ZNF610: variants seen among roughly 807,000 people sequenced by gnomAD.
The protein encoded by ZNF610 is zink finger protein.
In ZNF610, 14 loss-of-function variants were observed where a neutral mutation model predicts 14.1. The observed-to-expected ratio is 0.99, with a 90% CI of 0.65 to 1.55. The LOEUF (loss-of-function observed/expected upper bound fraction) is 1.55. ZNF610 is among the 40% of genes most tolerant of loss of function. The pLI, the probability that ZNF610 is intolerant of heterozygous loss-of-function variation, is 0.00. For synonymous variants in ZNF610, 185 were observed against 187.6 expected (o/e 0.99, Z 0.11); for missense variants, 530 against 558.0 (o/e 0.95, Z 0.51).
intron 1 of ZNF610, among the ~76,000 whole-genome samples, chr19:52,341,242 G>A (rs756541080): frequency 3.3e-5 from 5 of 151,896 alleles, no homozygotes. Flanking sequence ...TCAAGTTATC[G>A]CATCCACCCA....
At chr19:52,349,511 T>A (rs1985141779) in intron 3 of ZNF610, among the ~76,000 whole-genome samples, 1 of 151,130 alleles carries the variant, frequency 6.6e-6, no homozygotes, top group African/African-American at 2.4e-5. Context: ...AGGGGCCACA[T>A]CTGGATGCAC....
intron 1 of ZNF610, among the ~76,000 whole-genome samples, chr19:52,341,555 G>A (rs569238573): frequency 3.3e-5 from 5 of 152,026 alleles, no homozygotes; most frequent in African/African-American, 9.7e-5. Context: ...TAATCTGCCC[G>A]CCTCGGCCTC....
At chr19:52,348,061 C>T (rs1487849743) in intron 2 of ZNF610, 117 bp downstream of exon 2, 2 of 152,076 alleles carry the variant, frequency 1.3e-5, no homozygotes, top group Non-Finnish European at 2.9e-5. Flanking sequence ...GTCACAGTTG[C>T]CTGTAGTATT....
At chr19:52,340,399 ACATTTTGGTGATGGGCGG>A (rs1372614214) in intron 1 of ZNF610, among the ~76,000 whole-genome samples, 1 of 152,094 alleles carries the variant, frequency 6.6e-6, no homozygotes, top group Admixed American at 6.6e-5. Flanking sequence ...GGGAAAACAC[ACATTTTGGTGATGGGCGG>A]CATAGTATTC....
intron 1 of ZNF610, among the ~76,000 whole-genome samples, chr19:52,339,074 TGC>T (rs1362872089): frequency 3.3e-5 from 5 of 151,982 alleles, no homozygotes; most frequent in African/African-American, 9.7e-5. Context: ...TAAGGAAACG[TGC>T]TGTGCCTTGA....
Position 52,354,224 on chromosome 19 carries a change from ATCTTGTT to A in ZNF610, c.191-22_191-16del. On this transcript the variant is annotated intron_variant, in intron 4 of 5. Coordinates refer to ENST00000403906, the MANE Select transcript of ZNF610 (RefSeq NM_001161425.2). ...TTGGGTTTTGGAAATGCCCCAGCAC[ATCTTGTT>A]TCTTTCTTTTTATTAACAGGAATCT... is the stretch of plus-strand genomic sequence containing the variant. 1 of 1,612,370 alleles carries A rather than the reference ATCTTGTT, an allele frequency of 6.2e-7. No homozygotes were observed. Among genetic ancestry groups the A allele is most frequent in the Non-Finnish European group, 8.5e-7 (1 of 1,179,270 alleles).
chr19:52,344,320 C>G (rs1187932828), intron 1 of ZNF610, among the ~76,000 whole-genome samples: 3 of 31,302 alleles, frequency 9.6e-5, no homozygotes, highest in African/African-American at 2.5e-4. Context: ...GATTCTGTGA[C>G]CCCCCCATAG....
chr19:52,330,550 TAC>T, the ZNF610 span, among the ~76,000 whole-genome samples: 1 of 152,224 alleles, frequency 6.6e-6, no homozygotes, highest in Non-Finnish European at 1.5e-5. Context: ...CATTCTCAAT[TAC>T]CAGAAACAAT....
intron 5 of ZNF610, among the ~76,000 whole-genome samples, chr19:52,357,320 C>A (rs1169013125): frequency 1.3e-5 from 2 of 152,110 alleles, no homozygotes; most frequent in African/African-American, 4.8e-5. Context: ...AGTTTGAGAC[C>A]AGCAACATAA....
At chr19:52,332,492 C>T (rs970845545), upstream of ZNF610, among the ~76,000 whole-genome samples, 2 of 152,116 alleles carry the variant, frequency 1.3e-5, no homozygotes, top group Non-Finnish European at 2.9e-5. The surrounding 1 kb of genome is among the most constrained non-coding windows in gnomAD (Gnocchi z 4.1). Flanking sequence ...CAAGCTGAAT[C>T]TAAAAATCTG....
At chr19:52,334,009 T>G (rs1984264491), upstream of ZNF610, among the ~76,000 whole-genome samples, 1 of 152,120 alleles carries the variant, frequency 6.6e-6, no homozygotes, top group Non-Finnish European at 1.5e-5. Context: ...GAAAAGAACA[T>G]GAGTTAAAAC....
At chr19:52,350,632 C>T (rs1038596660) in intron 3 of ZNF610, among the ~76,000 whole-genome samples, 3 of 151,938 alleles carry the variant, frequency 2.0e-5, no homozygotes, top group African/African-American at 7.3e-5. Flanking sequence ...GAGCCAAGGT[C>T]ACGCCACTGC....
intron 3 of ZNF610, among the ~76,000 whole-genome samples, chr19:52,352,225 G>A (rs1409189135): frequency 6.6e-6 from 1 of 151,804 alleles, no homozygotes; most frequent in Non-Finnish European, 1.5e-5. Flanking sequence ...GCTGAAGAAG[G>A]AAACTTGTTT....
chr19:52,366,636 A>T lies in ZNF610; in HGVS notation c.1258A>T (p.Arg420Ter). 6.2e-7 allele frequency: 1 copy of T among 1,614,244 alleles called. No homozygotes were observed. The highest frequency in any genetic ancestry group is 8.5e-7 in the Non-Finnish European group (1 of 1,180,048). Reference sequence around the variant, plus strand: ...CAAATTATACCTAACCAACCATCAGAGAATTCATACTGGAGAGAGACCTTA... The same window carrying T: ...CAAATTATACCTAACCAACCATCAGTGAATTCATACTGGAGAGAGACCTTA... ...GRKLYLTNHQ[R>*]IHTGERPYKC... The change falls in exon 6 of 6, where the codon AGA becomes TGA. Residue 420 changes from arginine to a stop codon, truncating the protein, a stop_gained. Coordinates refer to ENST00000403906, the MANE Select transcript of ZNF610 (RefSeq NM_001161425.2). LOFTEE classifies it low-confidence loss of function (END_TRUNC).
chr19:52,335,636 A>G (rs1342699287), upstream of ZNF610, among the ~76,000 whole-genome samples: 1 of 152,082 alleles, frequency 6.6e-6, no homozygotes, highest in African/African-American at 2.4e-5. Context: ...TGAAAACACT[A>G]GACGGGCTTA....
chr19:52,356,261 A>T (rs1985519369), intron 5 of ZNF610, among the ~76,000 whole-genome samples: 1 of 152,110 alleles, frequency 6.6e-6, no homozygotes, highest in Non-Finnish European at 1.5e-5. Flanking sequence ...CTCTTCTGAG[A>T]TGCTTACTCA....
chr19:52,341,915 A>T (rs561051727), intron 1 of ZNF610, among the ~76,000 whole-genome samples: 3 of 152,282 alleles, frequency 2.0e-5, no homozygotes, highest in Non-Finnish European at 4.4e-5. Flanking sequence ...GGCTCAAACA[A>T]TTCTCCCACC....
At chr19:52,358,442 A>G (rs1161009599) in intron 5 of ZNF610, among the ~76,000 whole-genome samples, 1 of 152,214 alleles carries the variant, frequency 6.6e-6, no homozygotes, top group Non-Finnish European at 1.5e-5. Context: ...TCAGCCTCCA[A>G]AAGTGCTGGG....
At chr19:52,333,318 C>T (rs545820614), upstream of ZNF610, among the ~76,000 whole-genome samples, 11 of 152,300 alleles carry the variant, frequency 7.2e-5, no homozygotes, top group East Asian at 1.9e-4. Context: ...GAAAAGCTCC[C>T]GGTAACCAAG....
Sources: allele counts gnomAD v4.1 joint callset (sites outside exome capture counted in the v4.1 genomes callset), GRCh38; gene constraint gnomAD v4.1.1; non-coding constraint Gnocchi (gnomAD v3.1); transcripts MANE v1.5; gene names NCBI Gene and HGNC (gene_info 2026-07-23, HGNC 2026-07-21).